Variants in EEF2K observed in about 807,000 individuals in gnomAD.
EEF2K encodes the protein eukaryotic elongation factor 2 kinase, also known as alternative protein EEF2K.
A neutral mutation model predicts 93.8 loss-of-function variants in EEF2K; 70 were observed. That is an observed-to-expected ratio of 0.75 (90% CI 0.62 to 0.91). The LOEUF (loss-of-function observed/expected upper bound fraction) is 0.91, where lower values mean the gene tolerates loss of function less well. Ranked by LOEUF, EEF2K falls within the 40% of genes least tolerant of loss-of-function variation. The pLI is 0.00. For missense variants in EEF2K, 935 were observed against 972.9 expected (o/e 0.96, Z 0.52); for synonymous variants, 376 against 380.8 (o/e 0.99, Z 0.15).
At chr16:22,262,805 A>G (rs2047478550) in intron 11 of EEF2K, among the ~76,000 whole-genome samples, 1 of 152,172 alleles carries the variant, frequency 6.6e-6, no homozygotes, top group Non-Finnish European at 1.5e-5. Flanking sequence ...GGCAAGAAAT[A>G]AAGCCAGGAT....
intron 5 of EEF2K, 35 bp from the exon 6 acceptor site, chr16:22,251,116 T>A: frequency 3.1e-6 from 5 of 1,596,182 alleles, no homozygotes; most frequent in Non-Finnish European, 4.3e-6. Context: ...AACCCCAGAG[T>A]ACCCAGGTAG....
intron 16 of EEF2K, among the ~76,000 whole-genome samples, chr16:22,277,030 A>G (rs1273532127): frequency 6.6e-6 from 1 of 152,036 alleles, no homozygotes; most frequent in African/African-American, 2.4e-5. Flanking sequence ...ACATCATTCC[A>G]CTCCAGCCTG....
At chr16:22,275,088 G>T (rs2047621575) in intron 16 of EEF2K, among the ~76,000 whole-genome samples, 1 of 152,190 alleles carries the variant, frequency 6.6e-6, no homozygotes, top group Non-Finnish European at 1.5e-5. Flanking sequence ...ATTGTATTAG[G>T]TCAAATGTCA....
chr16:22,237,628 A>G (rs2047180618), intron 2 of EEF2K, among the ~76,000 whole-genome samples: 1 of 150,920 alleles, frequency 6.6e-6, no homozygotes, highest in Admixed American at 6.6e-5. Context: ...AAAAAAAAAA[A>G]GAAAAGAAGA....
chr16:22,231,472 A>C (rs2047114591), intron 2 of EEF2K, among the ~76,000 whole-genome samples: 1 of 152,014 alleles, frequency 6.6e-6, no homozygotes, highest in Non-Finnish European at 1.5e-5. Context: ...GCATAGCAAA[A>C]ACCATTTGAA....
intron 6 of EEF2K, among the ~76,000 whole-genome samples, chr16:22,256,313 G>T (rs746038707): frequency 6.6e-6 from 1 of 151,948 alleles, no homozygotes; most frequent in African/African-American, 2.4e-5. Context: ...GCCACGGTTG[G>T]TCTCCAACTC....
intron 2 of EEF2K, among the ~76,000 whole-genome samples, chr16:22,236,937 T>A (rs2141659906): frequency 1.3e-5 from 1 of 78,796 alleles, no homozygotes; most frequent in Admixed American, 1.5e-4. Flanking sequence ...CAGACCTCTT[T>A]TTTTTTTTTT....
rs776477821 is a variant in EEF2K at position 22,266,469 on chromosome 16, A to G, written c.1520A>G (p.Gln507Arg). 6.2e-7 allele frequency: 1 copy of G among 1,614,190 alleles called. No individual in the cohort carries two copies. The highest frequency in any genetic ancestry group is 1.7e-5 in the Admixed American group (1 of 60,028). Reference sequence around the variant, plus strand: ...GCTTCGGCCGTGGCCCTGGAAGTGCAAAGGCTTAATGCTCTGGACCTCGAA... The same window carrying G: ...GCTTCGGCCGTGGCCCTGGAAGTGCGAAGGCTTAATGCTCTGGACCTCGAA... The part of the protein sequence containing the change: ...PRASAVALEV[Q>R]RLNALDLEKK... The change falls in exon 14 of 18, where the codon CAA (glutamine) becomes CGA (arginine). Residue 507 changes from glutamine to arginine, a missense_variant. Gln to Arg is a conservative substitution (Grantham distance 43). Coordinates refer to ENST00000263026, the MANE Select transcript of EEF2K (RefSeq NM_013302.5).
intron 13 of EEF2K, among the ~76,000 whole-genome samples, chr16:22,265,506 C>G (rs1299368829): frequency 6.6e-6 from 1 of 152,336 alleles, no homozygotes; most frequent in African/African-American, 2.4e-5. Flanking sequence ...CGTCCAGGAG[C>G]CTTCCCTGGC....
chr16:22,240,610 T>G (rs2047212439), intron 2 of EEF2K, among the ~76,000 whole-genome samples: 1 of 152,186 alleles, frequency 6.6e-6, no homozygotes, highest in African/African-American at 2.4e-5. Flanking sequence ...TTAAGGTACA[T>G]TTATATAATT....
intron 15 of EEF2K, among the ~76,000 whole-genome samples, chr16:22,273,173 G>T (rs1398906451): frequency 6.6e-6 from 1 of 152,216 alleles, no homozygotes; most frequent in Non-Finnish European, 1.5e-5. Flanking sequence ...ACGGAATAGG[G>T]CTGCCCCACA....
At chr16:22,278,379 G>A (rs886254609) in intron 16 of EEF2K, among the ~76,000 whole-genome samples, 1 of 152,152 alleles carries the variant, frequency 6.6e-6, no homozygotes, top group African/African-American at 2.4e-5. Context: ...CTCAACATGG[G>A]TTTTGGAGGG....
chr16:22,221,349 T>C (rs1030137573), intron 1 of EEF2K, among the ~76,000 whole-genome samples: 1 of 151,994 alleles, frequency 6.6e-6, no homozygotes, highest in African/African-American at 2.4e-5. Flanking sequence ...TAGCCGGGCA[T>C]GGTGGCATGG....
At chr16:22,271,841 T>C (rs745433324) in intron 15 of EEF2K, among the ~76,000 whole-genome samples, 1 of 152,222 alleles carries the variant, frequency 6.6e-6, no homozygotes, top group Non-Finnish European at 1.5e-5. Flanking sequence ...CAACCTATGG[T>C]TGCAATTGAT....
rs768839435 is a variant in EEF2K, at chr16:22,257,670, A to T, written c.929A>T (p.Tyr310Phe). The change falls in exon 9 of 18, where the codon TAC becomes TTC. Residue 310 changes from tyrosine to phenylalanine, a missense_variant. Transcript: ENST00000263026. ...GTCCGCGGGATGGCGCTCTTCTTCT[A>T]CTCTCATGCCTGCAACCGGATTTGC... ...LGVRGMALFF[Y>F]SHACNRICES... 1.9e-6 allele frequency: 3 copies of T among 1,613,552 alleles called. No homozygotes were observed. Among genetic ancestry groups the T allele is most frequent in the African/African-American group, 1.3e-5 (1 of 74,862 alleles).
chr16:22,280,462 A>T, intron 17 of EEF2K, 86 bp downstream of exon 17: 3 of 1,293,014 alleles, frequency 2.3e-6, no homozygotes, highest in Non-Finnish European at 2.0e-6. Flanking sequence ...GTTATTTATG[A>T]CAAGATGACA....
chr16:22,269,005 A>G (rs2047551839), intron 15 of EEF2K, among the ~76,000 whole-genome samples: 1 of 152,002 alleles, frequency 6.6e-6, no homozygotes, highest in African/African-American at 2.4e-5. Flanking sequence ...CCTTCCCCAC[A>G]TCCTCTCATT....
chr16:22,221,691 AT>A (rs2047013713), intron 1 of EEF2K, among the ~76,000 whole-genome samples: 1 of 152,196 alleles, frequency 6.6e-6, no homozygotes, highest in Non-Finnish European at 1.5e-5. Context: ...ATGTAAAAAA[AT>A]TTTTAAACTA....
intron 16 of EEF2K, among the ~76,000 whole-genome samples, chr16:22,278,931 C>T (rs1294310975): frequency 1.3e-5 from 2 of 152,046 alleles, no homozygotes; most frequent in African/African-American, 4.8e-5. Flanking sequence ...GTGCTGGAGG[C>T]AATTTTACAT....
Sources: gnomAD v4.1 joint callset for allele counts (sites outside exome capture counted in the v4.1 genomes callset) on GRCh38, gnomAD v4.1.1 for gene constraint, MANE v1.5 for transcripts, NCBI Gene and HGNC (gene_info 2026-07-23, HGNC 2026-07-21) for gene names.